The following LRP8 variants were observed in gnomAD, a reference collection of about 807,000 sequenced individuals.
The protein encoded by LRP8 is low-density lipoprotein receptor-related protein 8.
LRP8 carries 46 observed loss-of-function variants against 111.6 expected under a neutral mutation model. The observed-to-expected ratio is 0.41, with a 90% confidence interval of 0.33 to 0.53. The LOEUF is 0.53. LRP8 is among the 20% of genes least tolerant of loss of function. The probability of loss-of-function intolerance (pLI) is 0.20; values close to 1 mark genes in which losing one functional copy is unlikely to be tolerated. For synonymous variants in LRP8, 464 were observed against 511.2 expected, an observed-to-expected ratio of 0.91 and a Z score of 1.24; for missense variants, 959 against 1,297.4, an observed-to-expected ratio of 0.74 and a Z score of 4.01.
chr1:53,276,918 G>C lies in LRP8; in HGVS notation c.657C>G (p.Gly219=). ...REFRCGGDGG[G]ACIPERWVCD... ...AGACCCAGCGCTCCGGGATGCAGGC[G>C]CCGCCGCCATCGCCGCCGCAGCGGA... Residue 219 remains glycine (G), a synonymous_variant, in exon 5 of 19, where the codon GGC becomes GGG. Transcript: ENST00000306052. 7.0e-7 allele frequency: 1 copy of C among 1,437,552 alleles called. No individual in the cohort carries two copies. The highest frequency in any genetic ancestry group is 1.3e-5 in the South Asian group (1 of 77,538). 89.0% of individuals were successfully genotyped at this position (1,437,552 alleles called of 1,614,324 possible). A position where few individuals can be genotyped will look rare whatever the true frequency, so the allele number is the denominator to read the frequency against.
chr1:53,310,059 G>A lies in LRP8; in HGVS notation c.244+16814C>T, dbSNP rs553557172. On this transcript the variant is annotated intron_variant, in intron 2 of 18. Coordinates refer to ENST00000306052, the MANE Select transcript of LRP8 (RefSeq NM_004631.5). ...GTTTAGCGGCCTTGAGCTCTGCCCC[G>A]GAGCATACCCACACCCTGGCCTTCA... Among the ~76,000 whole-genome samples, 6 of 152,166 alleles carry A rather than the reference G, an allele frequency of 3.9e-5. No homozygotes were observed. The South Asian group carries it at 1.0e-3, about 26-fold the overall frequency.
At chr1:53,300,987 T>C (rs1318343895) in intron 2 of LRP8, among the ~76,000 whole-genome samples, 1 of 151,362 alleles carries the variant, frequency 6.6e-6, no homozygotes, top group Non-Finnish European at 1.5e-5. Context: ...CCTCACAAGG[T>C]GAGAGTGAAA....
chr1:53,314,370 T>C (rs1442782782), intron 2 of LRP8, among the ~76,000 whole-genome samples: 1 of 152,202 alleles, frequency 6.6e-6, no homozygotes, highest in African/African-American at 2.4e-5. Flanking sequence ...CCAGGCCCCA[T>C]GCTAGGGGAG....
At position 53,266,497 on chromosome 1, in the gene LRP8, T is replaced by C; in HGVS notation, c.1403A>G (p.Asp468Gly). 2 of 1,613,852 alleles carry C rather than the reference T, an allele frequency of 1.2e-6. No homozygotes were observed. The highest frequency in any genetic ancestry group is 2.2e-5 in the South Asian group (2 of 91,054). ...CCTATAGATCTTACGGTAGGAGAGG[T>C]CACACCAGTAGATGCGATTGGTGGC... is the stretch of plus-strand genomic sequence containing the variant. ...EVATNRIYWC[D>G]LSYRKIYSAY... Residue 468 changes from aspartate to glycine, a missense_variant, in exon 9 of 19, where the codon GAC becomes GGC. Asp to Gly is a moderately conservative substitution (Grantham distance 94). Coordinates refer to ENST00000306052, the MANE Select transcript of LRP8 (RefSeq NM_004631.5). The surrounding 1 kb of genome is among the most constrained non-coding windows in gnomAD (Gnocchi z 5.0).
chr1:53,290,240 G>A (rs551934789), intron 2 of LRP8, among the ~76,000 whole-genome samples: 68 of 152,170 alleles, frequency 4.5e-4, no homozygotes, highest in Non-Finnish European at 6.8e-4. Context: ...CTGCCCCCCG[G>A]TGCCTACAGC....
chr1:53,307,779 T>C (rs574107384), intron 2 of LRP8, among the ~76,000 whole-genome samples: 6 of 152,372 alleles, frequency 3.9e-5, no homozygotes, highest in Middle Eastern at 6.8e-3. Context: ...TAATTAATTT[T>C]TTAAAATTCT....
At chr1:53,253,032 A>G (rs945401185) in intron 16 of LRP8, among the ~76,000 whole-genome samples, 5 of 152,226 alleles carry the variant, frequency 3.3e-5, no homozygotes, top group African/African-American at 7.2e-5. Flanking sequence ...GGATTATTCA[A>G]TGATGGTTTT....
chr1:53,277,022 C>G lies in LRP8; in HGVS notation c.553G>C (p.Val185Leu). ...GNRSCLAAVF[V>L]CDGDDDCGDG... ...CCACAGTCGTCGTCGCCGTCGCACACGAACACGGCGGCCAGGCACGAGCGG... is the reference window on the plus strand; with the variant it reads ...CCACAGTCGTCGTCGCCGTCGCACAGGAACACGGCGGCCAGGCACGAGCGG... The change falls in exon 5 of 19, where the codon GTG (valine) becomes CTG (leucine). Residue 185 changes from valine to leucine, a missense_variant. Transcript: ENST00000306052. The G allele has an allele frequency of 2.0e-6, 3 of 1,520,886 alleles. No individual in the cohort carries two copies. The highest frequency in any genetic ancestry group is 2.1e-4 in the Middle Eastern group (1 of 4,852). The allele number at this position is 1,520,886 out of a possible 1,614,324, so 94.2% of individuals were successfully genotyped here. A position where few individuals can be genotyped will look rare whatever the true frequency, so the allele number is the denominator to read the frequency against.
At chr1:53,282,113 GGGA>G (rs1647132943) in intron 3 of LRP8, among the ~76,000 whole-genome samples, 6 of 152,174 alleles carry the variant, frequency 3.9e-5, no homozygotes. Context: ...TTCTATAGCT[GGGA>G]TGAGAGACCA....
At chr1:53,253,674 T>C (rs1307957423) in intron 16 of LRP8, among the ~76,000 whole-genome samples, 1 of 152,180 alleles carries the variant, frequency 6.6e-6, no homozygotes, top group Non-Finnish European at 1.5e-5. Context: ...CTTTCTCCAC[T>C]CCAATCAAAA....
intron 2 of LRP8, among the ~76,000 whole-genome samples, chr1:53,295,766 C>A (rs1296344971): frequency 6.6e-6 from 1 of 152,182 alleles, no homozygotes; most frequent in Non-Finnish European, 1.5e-5. Flanking sequence ...TTTCCTCCAG[C>A]CTTCCAAGCT....
rs1645827461 is a variant in LRP8 at position 53,249,455 on chromosome 1, C to G, written c.2778G>C (p.Leu926Phe). The G allele has an allele frequency of 3.7e-6, 6 of 1,614,188 alleles. No individual in the cohort carries two copies. Among genetic ancestry groups the G allele is most frequent in the Non-Finnish European group, 5.1e-6 (6 of 1,180,026 alleles). Residue 926 changes from leucine to phenylalanine, a missense_variant, in exon 18 of 19, where the codon TTG (leucine) becomes TTC (phenylalanine). Leu to Phe is a conservative substitution (Grantham distance 22). Coordinates refer to ENST00000306052, the MANE Select transcript of LRP8 (RefSeq NM_004631.5). The surrounding 1 kb of genome is among the most constrained non-coding windows in gnomAD (Gnocchi z 4.1). Reference protein sequence around the residue: ...PAPALKELFVLPGEPRSQLHQ... With the variant: ...PAPALKELFVFPGEPRSQLHQ... Reference sequence around the variant, plus strand: ...GCAGCTGTGACCTTGGTTCCCCCGGCAAGACAAAAAGCTCCTTGAGGGCAG... The same window carrying G: ...GCAGCTGTGACCTTGGTTCCCCCGGGAAGACAAAAAGCTCCTTGAGGGCAG...
chr1:53,248,909 T>C (rs1645807960), intron 18 of LRP8, among the ~76,000 whole-genome samples: 1 of 152,282 alleles, frequency 6.6e-6, no homozygotes, highest in African/African-American at 2.4e-5. Context: ...AGAATGGGGG[T>C]TGTTATTCTC....
intron 14 of LRP8, chr1:53,257,976 G>A (rs1646166032): frequency 4.7e-6 from 1 of 213,824 alleles, no homozygotes. Flanking sequence ...TTCTAGGTGA[G>A]AAACAGGCAA....
Position 53,250,989 on chromosome 1 carries a change from C to T in LRP8, c.2504-127G>A. 1.4e-6 allele frequency: 1 copy of T among 719,866 alleles called. No homozygotes were observed. Among genetic ancestry groups the T allele is most frequent in the Non-Finnish European group, 2.4e-6 (1 of 423,204 alleles). 44.6% of individuals were successfully genotyped at this position (719,866 alleles called of 1,614,324 possible). ...TCCTCAGGCTCTGTTTCTGCATGTT[C>T]TTTTACTGCTGTTTGAAAGCCCATC... is the stretch of plus-strand genomic sequence containing the variant. On this transcript the variant is annotated intron_variant, in intron 16 of 18. Transcript: ENST00000306052. The surrounding 1 kb of genome is among the most constrained non-coding windows in gnomAD (Gnocchi z 4.6).
chr1:53,300,093 C>G (rs1650514791), intron 2 of LRP8, among the ~76,000 whole-genome samples: 1 of 152,220 alleles, frequency 6.6e-6, no homozygotes, highest in Non-Finnish European at 1.5e-5. Flanking sequence ...TCCCATCTCC[C>G]CTTGAATATG....
At chr1:53,251,502 T>G (rs551639358) in intron 16 of LRP8, among the ~76,000 whole-genome samples, 2 of 151,306 alleles carry the variant, frequency 1.3e-5, no homozygotes, top group East Asian at 1.9e-4. Context: ...AGGAGGAAGC[T>G]CTCTCCAACA....
intron 3 of LRP8, among the ~76,000 whole-genome samples, chr1:53,281,115 G>T (rs1000086949): frequency 6.6e-6 from 1 of 152,170 alleles, no homozygotes; most frequent in African/African-American, 2.4e-5. Context: ...ATATGCCCCA[G>T]CTGGGCCTCA....
intron 2 of LRP8, among the ~76,000 whole-genome samples, chr1:53,326,272 T>C (rs1655109309): frequency 6.6e-6 from 1 of 152,128 alleles, no homozygotes; most frequent in Non-Finnish European, 1.5e-5. Flanking sequence ...CGCGGGGGTG[T>C]GGCCGGGGCG....
Sources: gnomAD v4.1 joint callset for allele counts (sites outside exome capture counted in the v4.1 genomes callset) on GRCh38, gnomAD v4.1.1 for gene constraint, Gnocchi (gnomAD v3.1) non-coding constraint, MANE v1.5 for transcripts, NCBI Gene and HGNC (gene_info 2026-07-23, HGNC 2026-07-21) for gene names.